Variants in MACROD1 observed in about 807,000 individuals in gnomAD.
MACROD1 encodes the protein ADP-ribose glycohydrolase MACROD1.
A neutral mutation model predicts 41.4 loss-of-function variants in MACROD1; 31 were observed. That is an observed-to-expected ratio of 0.75 (90% confidence interval 0.56 to 1.01). MACROD1 has a LOEUF of 1.01. MACROD1 is among the 50% of genes least tolerant of loss of function. MACROD1 has a pLI of 0.00. For missense variants in MACROD1, 473 were observed against 460.0 expected (o/e 1.03, Z -0.26); for synonymous variants, 252 against 203.4 (o/e 1.24, Z -2.03).
chr11:64,006,349 A>T (rs1398907772), intron 4 of MACROD1, among the ~76,000 whole-genome samples: 1 of 152,070 alleles, frequency 6.6e-6, no homozygotes, highest in Non-Finnish European at 1.5e-5. Flanking sequence ...AACAAACTCT[A>T]GCCAGCCCCG....
intron 4 of MACROD1, among the ~76,000 whole-genome samples, chr11:64,007,966 G>A (rs1329235023): frequency 6.6e-6 from 1 of 152,274 alleles, no homozygotes; most frequent in African/African-American, 2.4e-5. Context: ...CGGCTAATCG[G>A]AGCGGCCGGA....
chr11:64,079,393 G>A (rs1307665362), intron 3 of MACROD1, among the ~76,000 whole-genome samples: 1 of 151,936 alleles, frequency 6.6e-6, no homozygotes, highest in Non-Finnish European at 1.5e-5. Context: ...GGAGGGAAGG[G>A]GGTCGTTGGG....
At chr11:64,073,886 A>T (rs1944153817) in intron 3 of MACROD1, among the ~76,000 whole-genome samples, 1 of 152,140 alleles carries the variant, frequency 6.6e-6, no homozygotes, top group Non-Finnish European at 1.5e-5. Flanking sequence ...GATCCAGCCC[A>T]GCCACTTAGG....
At chr11:64,073,897 G>A (rs1944154051) in intron 3 of MACROD1, among the ~76,000 whole-genome samples, 1 of 152,146 alleles carries the variant, frequency 6.6e-6, no homozygotes, top group South Asian at 2.1e-4. Flanking sequence ...GCCACTTAGG[G>A]GCTCTGGGGT....
intron 1 of MACROD1, among the ~76,000 whole-genome samples, chr11:64,164,759 G>C (rs1047288432): frequency 6.6e-6 from 1 of 150,974 alleles, no homozygotes; most frequent in Non-Finnish European, 1.5e-5. Flanking sequence ...ACTCCACCAC[G>C]GAGGCCCAGC....
chr11:64,153,799 C>G (rs900539387), intron 1 of MACROD1, among the ~76,000 whole-genome samples: 19 of 152,112 alleles, frequency 1.2e-4, no homozygotes, highest in African/African-American at 4.6e-4. Flanking sequence ...TGTTTGGGCA[C>G]GAGTAGGTCC....
intron 1 of MACROD1, among the ~76,000 whole-genome samples, chr11:64,154,562 C>T (rs1417194840): frequency 1.3e-5 from 2 of 152,170 alleles, no homozygotes; most frequent in Admixed American, 6.5e-5. Flanking sequence ...TTCAAAACTG[C>T]ATTCAAACGC....
In MACROD1 at chr11:64,152,372, T is replaced by C. The variant is rs776362926; in HGVS notation, c.320A>G (p.Asp107Gly). Residue 107 changes from aspartate to glycine, a missense_variant, in exon 2 of 11, where the codon GAC (aspartate) becomes GGC (glycine). Transcript: ENST00000255681. ...GAAGTAATGTTCCTCCCGCTGCTTG[T>C]CACTCAGGCCCTTCAGAAAGGCTGC... is the stretch of plus-strand genomic sequence containing the variant. ...EAKSFLKGLS[D>G]KQREEHYFCK... 1 of 1,614,216 alleles carries C rather than the reference T, an allele frequency of 6.2e-7. No homozygotes were observed. Among genetic ancestry groups the C allele is most frequent in the African/African-American group, 1.3e-5 (1 of 75,054 alleles).
At chr11:64,135,311 G>A (rs1027866153) in intron 3 of MACROD1, among the ~76,000 whole-genome samples, 11 of 152,192 alleles carry the variant, frequency 7.2e-5, no homozygotes, top group African/African-American at 2.2e-4. Context: ...GCCCCCTCCC[G>A]GTCCTGGCAC....
chr11:64,031,232 G>A (rs1365866974), intron 3 of MACROD1, among the ~76,000 whole-genome samples: 1 of 152,100 alleles, frequency 6.6e-6, no homozygotes, highest in Non-Finnish European at 1.5e-5. Context: ...ACCTGGCTTT[G>A]TCCCTTCTGT....
chr11:64,092,121 AG>A (rs1944501565), intron 3 of MACROD1, among the ~76,000 whole-genome samples: 1 of 152,132 alleles, frequency 6.6e-6, no homozygotes, highest in African/African-American at 2.4e-5. Context: ...CTGGCCTCCA[AG>A]CTTGGCCCGT....
intron 1 of MACROD1, among the ~76,000 whole-genome samples, chr11:64,153,237 G>A (rs1437408126): frequency 5.3e-5 from 8 of 152,278 alleles, no homozygotes; most frequent in South Asian, 4.1e-4. Flanking sequence ...AGCAGCTCAC[G>A]GGCTCCCCCT....
At chr11:64,149,394 C>T (rs1261318052) in intron 3 of MACROD1, among the ~76,000 whole-genome samples, 1 of 152,154 alleles carries the variant, frequency 6.6e-6, no homozygotes, top group Non-Finnish European at 1.5e-5. Flanking sequence ...GCCAGCACTG[C>T]CCCAGCCCTG....
chr11:64,024,720 G>T (rs909794965), intron 3 of MACROD1, among the ~76,000 whole-genome samples: 4 of 152,216 alleles, frequency 2.6e-5, no homozygotes, highest in Admixed American at 2.0e-4. Flanking sequence ...AGGGTGGAGG[G>T]CATCAGAGAA....
chr11:64,129,429 C>T (rs11606544), intron 3 of MACROD1, among the ~76,000 whole-genome samples: 25,019 of 152,240 alleles, frequency 0.16, 2,308 homozygotes, highest in Admixed American at 0.28. Flanking sequence ...ACCAACCCTA[C>T]GGCTGTGACG....
intron 1 of MACROD1, among the ~76,000 whole-genome samples, chr11:64,160,949 A>C (rs1945744642): frequency 6.6e-6 from 1 of 151,996 alleles, no homozygotes; most frequent in Admixed American, 6.6e-5. Flanking sequence ...AGACAGGTAG[A>C]CCACCTGAGG....
At chr11:64,012,245 A>G (rs1303905705) in intron 4 of MACROD1, among the ~76,000 whole-genome samples, 1 of 152,242 alleles carries the variant, frequency 6.6e-6, no homozygotes, top group Non-Finnish European at 1.5e-5. Context: ...TGGCCAGGGC[A>G]GGGCCCCTCC....
At chr11:64,138,670 G>A (rs972694117) in intron 3 of MACROD1, 6 of 462,508 alleles carry the variant, frequency 1.3e-5, no homozygotes, top group Non-Finnish European at 1.4e-5. Flanking sequence ...CAATTACAAT[G>A]TCCGAAGACA....
chr11:64,126,353 G>A (rs1477864335), intron 3 of MACROD1, among the ~76,000 whole-genome samples: 1 of 152,148 alleles, frequency 6.6e-6, no homozygotes, highest in African/African-American at 2.4e-5. Flanking sequence ...GGGGAGAGAG[G>A]TGACGGAGGG....
Sources: allele counts gnomAD v4.1 joint callset (sites outside exome capture counted in the v4.1 genomes callset), GRCh38; gene constraint gnomAD v4.1.1; transcripts MANE v1.5; gene names NCBI Gene and HGNC (gene_info 2026-07-23, HGNC 2026-07-21).